Variants in HHAT observed in about 807,000 individuals in gnomAD.
HHAT encodes the protein protein-cysteine N-palmitoyltransferase HHAT.
Under a neutral mutation model 70.8 loss-of-function variants are expected in HHAT, and 47 were observed. That is an observed-to-expected ratio of 0.66 (90% CI 0.53 to 0.85). The LOEUF (loss-of-function observed/expected upper bound fraction) is 0.85, where lower values mean the gene tolerates loss of function less well. Among genes scored for constraint, HHAT ranks in the 40% least tolerant of loss-of-function variants. The pLI is 0.00. For synonymous variants in HHAT, 228 were observed against 247.6 expected (o/e 0.92, Z 0.74); for missense variants, 609 against 604.8 (o/e 1.01, Z -0.07).
intron 3 of HHAT, among the ~76,000 whole-genome samples, chr1:210,371,889 G>A (rs938019818): frequency 6.6e-6 from 1 of 152,134 alleles, no homozygotes; most frequent in Admixed American, 6.5e-5. Context: ...GAGGGAGTTC[G>A]ATGCAAAGAT....
At chr1:210,560,650 A>C (rs1016234238) in intron 9 of HHAT, among the ~76,000 whole-genome samples, 3 of 124,490 alleles carry the variant, frequency 2.4e-5, no homozygotes, top group African/African-American at 9.2e-5. Context: ...CATCTCTACC[A>C]AAAAAAAAAA....
intron 8 of HHAT, among the ~76,000 whole-genome samples, chr1:210,470,579 C>T (rs991579825): frequency 7.9e-5 from 12 of 152,186 alleles, no homozygotes; most frequent in Admixed American, 2.0e-4. Flanking sequence ...CATTATGTTT[C>T]GCTTCCTGGA....
intron 10 of HHAT, chr1:210,590,509 G>A (rs1409708901): frequency 1.7e-5 from 2 of 118,660 alleles, no homozygotes; most frequent in Non-Finnish European, 3.2e-5. Context: ...GAGAAATTCA[G>A]ACCCAGGAGA....
At chr1:210,571,435 G>C (rs953733302) in intron 9 of HHAT, among the ~76,000 whole-genome samples, 1 of 152,172 alleles carries the variant, frequency 6.6e-6, no homozygotes, top group Non-Finnish European at 1.5e-5. Flanking sequence ...CAGGACCATG[G>C]TGTGGGTGGG....
intron 8 of HHAT, among the ~76,000 whole-genome samples, chr1:210,506,062 C>T (rs142726648): frequency 4.6e-5 from 7 of 152,286 alleles, no homozygotes; most frequent in East Asian, 3.9e-4. Context: ...ACCCCTCCTC[C>T]GTCAAAGAAG....
intron 10 of HHAT, among the ~76,000 whole-genome samples, chr1:210,613,950 G>A (rs1459525074): frequency 1.4e-5 from 2 of 147,926 alleles, no homozygotes; most frequent in African/African-American, 2.5e-5. Context: ...AGCCCAGGAA[G>A]TCTAAGCTGC....
At chr1:210,651,321 AAGC>A (rs1675089103) in intron 11 of HHAT, among the ~76,000 whole-genome samples, 1 of 152,224 alleles carries the variant, frequency 6.6e-6, no homozygotes, top group Non-Finnish European at 1.5e-5. Context: ...CTAGGTATTT[AAGC>A]AGCAGGGATT....
chr1:210,356,253 CCTT>C (rs1362466709), intron 2 of HHAT, among the ~76,000 whole-genome samples: 1 of 152,126 alleles, frequency 6.6e-6, no homozygotes, highest in Non-Finnish European at 1.5e-5. Context: ...TACCCTAGAA[CCTT>C]CTGATTTTGC....
intron 3 of HHAT, among the ~76,000 whole-genome samples, chr1:210,378,777 A>G (rs900229847): frequency 6.6e-6 from 1 of 152,218 alleles, no homozygotes; most frequent in Non-Finnish European, 1.5e-5. Context: ...GTTCTTGAGC[A>G]TTCATTGGGT....
intron 9 of HHAT, among the ~76,000 whole-genome samples, chr1:210,526,774 T>A (rs775319057): frequency 2.6e-5 from 4 of 152,196 alleles, no homozygotes; most frequent in Non-Finnish European, 4.4e-5. Context: ...GTTGTCTAGA[T>A]ATGTGCCAGC....
chr1:210,644,424 G>A (rs776413812), intron 11 of HHAT, among the ~76,000 whole-genome samples: 1 of 151,906 alleles, frequency 6.6e-6, no homozygotes, highest in Non-Finnish European at 1.5e-5. Flanking sequence ...CCAACATGGT[G>A]AAATCCCGTC....
intron 4 of HHAT, among the ~76,000 whole-genome samples, chr1:210,391,880 C>T (rs1169757633): frequency 6.6e-6 from 1 of 151,628 alleles, no homozygotes; most frequent in Non-Finnish European, 1.5e-5. Context: ...TTTTTTTTCC[C>T]CCCTTTACAG....
At chr1:210,354,599 C>T (rs1191311257) in intron 2 of HHAT, among the ~76,000 whole-genome samples, 5 of 152,180 alleles carry the variant, frequency 3.3e-5, no homozygotes, top group East Asian at 1.9e-4. Flanking sequence ...TGGACTCAAG[C>T]GATCTTCCTG....
rs200930871 is a variant in HHAT at position 210,468,736 on chromosome 1, G to T, written c.1007+4081G>T. On this transcript the variant is annotated intron_variant, in intron 8 of 11. Coordinates refer to ENST00000261458, the MANE Select transcript of HHAT (RefSeq NM_018194.6). ...AATCATGCTTAACCACCAGTTGCAG[G>T]ACAGGATGGTGGTCCTGGAGTTGGT... Among the ~76,000 whole-genome samples the T allele has an allele frequency of 2.0e-5, 3 of 152,150 alleles. No homozygotes were observed. In the East Asian group the frequency reaches 5.8e-4, roughly 29 times the overall value.
intron 3 of HHAT, among the ~76,000 whole-genome samples, chr1:210,386,644 C>T (rs1174417972): frequency 6.6e-6 from 1 of 152,146 alleles, no homozygotes; most frequent in African/African-American, 2.4e-5. Flanking sequence ...GCCTGCATTG[C>T]CTGTTTCAGG....
chr1:210,645,108 A>G (rs553840915), intron 11 of HHAT, among the ~76,000 whole-genome samples: 21 of 152,302 alleles, frequency 1.4e-4, no homozygotes, highest in Admixed American at 6.5e-5. Flanking sequence ...TGCTTTATAG[A>G]TGAGGAAACA....
At chr1:210,404,433 C>A (rs1047067816) in intron 5 of HHAT, 31 bp from the exon 6 acceptor site, 1 of 1,557,016 alleles carries the variant, frequency 6.4e-7, no homozygotes, top group Non-Finnish European at 8.8e-7. Flanking sequence ...GCTGGCCACT[C>A]AAAGGTTGTT....
At chr1:210,592,151 T>C (rs1235005870) in intron 10 of HHAT, among the ~76,000 whole-genome samples, 2 of 152,194 alleles carry the variant, frequency 1.3e-5, no homozygotes, top group African/African-American at 4.8e-5. Context: ...CTTTCAGTAG[T>C]TTCATATTGT....
chr1:210,374,334 C>T lies in HHAT; in HGVS notation c.159+11415C>T, dbSNP rs1383902229. On this transcript the variant is annotated intron_variant, in intron 3 of 11. Coordinates refer to ENST00000261458, the MANE Select transcript of HHAT (RefSeq NM_018194.6). ...ACTCCTAGTACGCCGATGGTGCCTA[C>T]AGTTCGCACAAAAAGAATTACTGCC... is the stretch of plus-strand genomic sequence containing the variant. The T allele has an allele frequency of 2.0e-5, 3 of 152,226 alleles. No homozygotes were observed. The East Asian group carries it at 5.8e-4, about 29-fold the overall frequency. The allele number at this position is 152,226 out of a possible 1,614,324, so 9.4% of individuals were successfully genotyped here. A position where few individuals can be genotyped will look rare whatever the true frequency, so the allele number is the denominator to read the frequency against.
Sources: gnomAD v4.1 joint callset for allele counts (sites outside exome capture counted in the v4.1 genomes callset) on GRCh38, gnomAD v4.1.1 for gene constraint, MANE v1.5 for transcripts, NCBI Gene and HGNC (gene_info 2026-07-23, HGNC 2026-07-21) for gene names.